The following TAB2 variants were observed in gnomAD, a reference collection of about 807,000 sequenced individuals.
The protein encoded by TAB2 is TGF-beta-activated kinase 1 and MAP3K7-binding protein 2.
A neutral mutation model predicts 65.0 loss-of-function variants in TAB2; 3 were observed. That is an observed-to-expected ratio of 0.05 (90% CI 0.02 to 0.12). The LOEUF is 0.12. Ranked by LOEUF, TAB2 falls within the 10% of genes least tolerant of loss-of-function variation. The probability of loss-of-function intolerance (pLI) is 1.00; values close to 1 mark genes in which losing one functional copy is unlikely to be tolerated. For synonymous variants in TAB2, 298 were observed against 285.1 expected, an observed-to-expected ratio of 1.05 and a Z score of -0.46; for missense variants, 623 against 840.3, an observed-to-expected ratio of 0.74 and a Z score of 3.20.
intron 1 of TAB2, among the ~76,000 whole-genome samples, chr6:149,360,892 A>C (rs888763380): frequency 3.9e-5 from 6 of 152,228 alleles, no homozygotes; most frequent in African/African-American, 1.4e-4. Flanking sequence ...TACAGGCTTC[A>C]TACAGGTTTA....
chr6:149,324,431 GTT>G (rs1779540550), intron 1 of TAB2, among the ~76,000 whole-genome samples: 1 of 151,966 alleles, frequency 6.6e-6, no homozygotes, highest in Non-Finnish European at 1.5e-5. Flanking sequence ...TTAGCTTAAA[GTT>G]TTACTCTCAC....
chr6:149,399,205 T>G (rs1223511259), intron 6 of TAB2, 21 bp downstream of exon 6: 1 of 1,606,126 alleles, frequency 6.2e-7, no homozygotes, highest in African/African-American at 1.3e-5. Flanking sequence ...CCATTAAATG[T>G]GAAAACTGTT....
Position 149,399,070 on chromosome 6 carries a change from A to C in TAB2, c.1859-34A>C, listed in dbSNP as rs376313431. ...AAAAGTAAAGTTGTTTTTGAGCTAT[A>C]AGCATTGATATATTTACTTTTTATA... On this transcript the variant is annotated intron_variant, in intron 5 of 6. Transcript: ENST00000637181. The C allele has an allele frequency of 4.6e-6, 7 of 1,534,346 alleles. No individual in the cohort carries two copies. In the African/African-American group the frequency reaches 9.5e-5, roughly 21 times the overall value.
intron 1 of TAB2, among the ~76,000 whole-genome samples, chr6:149,229,482 A>G (rs190785910): frequency 4.5e-4 from 68 of 152,038 alleles, no homozygotes; most frequent in African/African-American, 1.5e-3. Context: ...AACAGTGGGG[A>G]GTCTGCACAA....
Position 149,229,119 on chromosome 6 carries a change from A to G in TAB2, c.-121+10343A>G, listed in dbSNP as rs1255457379. On this transcript the variant is annotated intron_variant, in intron 1 of 1. Transcript: ENST00000606202. ...CCATTAGAAGAATAAAGCTCAAACA[A>G]GCATTTGTAATGTAATCCACGCAGA... Among the ~76,000 whole-genome samples the G allele has an allele frequency of 1.8e-4, 28 of 152,248 alleles. 1 individual carries two copies. Among genetic ancestry groups the G allele is most frequent in the Non-Finnish European group, 1.5e-5 (1 of 68,048 alleles).
chr6:149,275,225 G>GGAGAGA lies in TAB2; in HGVS notation c.-121+56456_-121+56461dup, dbSNP rs36042716. ...TGAACTCCCTTGGGCGGGGGAGGGG[G>GGAGAGA]GAGAGAGAGAGAAAGAAAGAAAGAA... On this transcript the variant is annotated intron_variant, in intron 1 of 1. Coordinates refer to the TAB2 transcript ENST00000606202. 1.4e-3 allele frequency among the ~76,000 whole-genome samples: 133 copies of GGAGAGA among 97,462 alleles called. 7 individuals carry two copies. Among genetic ancestry groups the GGAGAGA allele is most frequent in the African/African-American group, 4.0e-3 (89 of 22,188 alleles). The allele number at this position is 97,462 out of a possible 152,430, so 63.9% of individuals were successfully genotyped here.
In TAB2 at chr6:149,339,593, A is replaced by ATT. The variant is rs1562422713; in HGVS notation, c.-90+21580_-90+21581dup. On this transcript the variant is annotated intron_variant, in intron 1 of 6. Transcript: ENST00000637181. Reference sequence around the variant, plus strand: ...GCCCAATAATTAATCTTTTTTATTTATTTATTTATTTATTTTTTTTTTTTT... The same window carrying ATT: ...GCCCAATAATTAATCTTTTTTATTTATTTTTATTTATTTATTTTTTTTTTTTT... Among the ~76,000 whole-genome samples the ATT allele has an allele frequency of 6.2e-3, 96 of 15,454 alleles. 3 individuals carry two copies. The highest frequency in any genetic ancestry group is 8.1e-3 in the African/African-American group (95 of 11,714). The allele number at this position is 15,454 out of a possible 152,430, so 10.1% of individuals were successfully genotyped here.
At chr6:149,267,243 G>A (rs146603477) in intron 1 of TAB2, among the ~76,000 whole-genome samples, 1 of 152,148 alleles carries the variant, frequency 6.6e-6, no homozygotes, top group African/African-American at 2.4e-5. Context: ...TGATGAGCTG[G>A]GGCTGGTCTG....
intron 1 of TAB2, chr6:149,291,262 C>G (rs1411411019): frequency 6.6e-6 from 1 of 152,210 alleles, no homozygotes; most frequent in Non-Finnish European, 1.5e-5. Flanking sequence ...TGGACTACAA[C>G]ATGAAAGAGT....
chr6:149,400,479 G>A (rs1782342204), intron 6 of TAB2: 1 of 1,614,130 alleles, frequency 6.2e-7, no homozygotes, highest in Non-Finnish European at 8.5e-7. Flanking sequence ...TGGTTCTGTG[G>A]TGCAGTTTAA....
rs764797758 is a variant in TAB2, at chr6:149,379,327, A to G, written c.1412A>G (p.Asn471Ser). 6.8e-6 allele frequency: 11 copies of G among 1,614,212 alleles called. No homozygotes were observed. Among genetic ancestry groups the G allele is most frequent in the Non-Finnish European group, 9.3e-6 (11 of 1,180,038 alleles). Residue 471 changes from asparagine to serine, a missense_variant, in exon 3 of 7, where the codon AAT becomes AGT. This residue lies in a region of TAB2 where 550 missense variants were observed against 665.7 expected (regional missense o/e 0.83). Transcript: ENST00000637181. The part of the protein sequence containing the change: ...KYTFKITVSP[N>S]KPPAVSPGVV... ...ACTTTCAAAATTACAGTCTCTCCCA[A>G]TAAGCCCCCTGCAGTTTCACCAGGG...
At chr6:149,369,457 A>G (rs185984320) in intron 1 of TAB2, among the ~76,000 whole-genome samples, 1 of 152,202 alleles carries the variant, frequency 6.6e-6, no homozygotes, top group Admixed American at 6.5e-5. Flanking sequence ...AGATAAAGCA[A>G]AATATTGAAT....
intron 3 of TAB2, among the ~76,000 whole-genome samples, chr6:149,385,502 A>G (rs1781761504): frequency 6.6e-6 from 1 of 152,246 alleles, no homozygotes; most frequent in African/African-American, 2.4e-5. Context: ...TCTCTAAAAT[A>G]ACAATAATAA....
At chr6:149,220,908 T>C (rs1044490288) in intron 1 of TAB2, 2 of 152,180 alleles carry the variant, frequency 1.3e-5, no homozygotes, top group African/African-American at 4.8e-5. Flanking sequence ...TGAACCACCA[T>C]GCCTGGCTGA....
At chr6:149,280,008 C>T (rs761157775) in intron 1 of TAB2, among the ~76,000 whole-genome samples, 10 of 152,110 alleles carry the variant, frequency 6.6e-5, no homozygotes, top group South Asian at 2.1e-4. Context: ...AAAAAGCTTT[C>T]GAATCAATTC....
chr6:149,265,167 T>A (rs1027696134), intron 1 of TAB2, among the ~76,000 whole-genome samples: 3 of 150,474 alleles, frequency 2.0e-5, no homozygotes, highest in African/African-American at 7.3e-5. Context: ...AAAAAATGCG[T>A]TTTAAATGAC....
intron 6 of TAB2, among the ~76,000 whole-genome samples, 159 bp from the exon 7 acceptor site, chr6:149,409,418 G>A (rs141711996): frequency 6.6e-6 from 1 of 152,244 alleles, no homozygotes; most frequent in East Asian, 1.9e-4. Flanking sequence ...CTAGATAGAG[G>A]TTGGTAGTGA....
chr6:149,336,854 A>T (rs771820692), intron 1 of TAB2, among the ~76,000 whole-genome samples: 7 of 152,074 alleles, frequency 4.6e-5, no homozygotes, highest in Non-Finnish European at 7.4e-5. Flanking sequence ...AATTTAATAG[A>T]GTAGTTTTAA....
chr6:149,288,917 G>C (rs1333697329), intron 1 of TAB2, among the ~76,000 whole-genome samples: 1 of 145,976 alleles, frequency 6.9e-6, no homozygotes, highest in African/African-American at 2.6e-5. Context: ...GAGTACAGTG[G>C]TGCAATCTCG....
Sources: allele counts gnomAD v4.1 joint callset (sites outside exome capture counted in the v4.1 genomes callset), GRCh38; gene constraint gnomAD v4.1.1; regional missense constraint gnomAD v4.1.1; transcripts MANE v1.5; gene names NCBI Gene and HGNC (gene_info 2026-07-23, HGNC 2026-07-21).